TG: variants seen among roughly 807,000 people sequenced by gnomAD.
TG encodes the protein thyroglobulin.
A neutral mutation model predicts 324.7 loss-of-function variants in TG; 270 were observed. That is an observed-to-expected ratio of 0.83 (90% CI 0.75 to 0.92). The LOEUF is 0.92. Among genes scored for constraint, TG ranks in the 40% least tolerant of loss-of-function variants. The pLI is 0.00. For missense variants in TG, 3,591 were observed against 3,456.4 expected (o/e 1.04, Z -0.98); for synonymous variants, 1,401 against 1,327.0 (o/e 1.06, Z -1.21).
chr8:133,058,195 G>T (rs1231571487), intron 41 of TG, among the ~76,000 whole-genome samples: 1 of 152,178 alleles, frequency 6.6e-6, no homozygotes, highest in Non-Finnish European at 1.5e-5. Flanking sequence ...GTAGGTAGAA[G>T]AGAAAAGAGG....
At chr8:132,945,784 G>A (rs566868836) in intron 26 of TG, among the ~76,000 whole-genome samples, 15 of 152,100 alleles carry the variant, frequency 9.9e-5, no homozygotes, top group Non-Finnish European at 2.2e-4. Context: ...CGAAAGCTAG[G>A]GTGGGAGAGC....
intron 40 of TG, among the ~76,000 whole-genome samples, chr8:133,028,190 C>T (rs1836283852): frequency 6.6e-6 from 1 of 152,208 alleles, no homozygotes; most frequent in South Asian, 2.1e-4. Context: ...GTGGACGTCA[C>T]TTTTCAGATT....
intron 34 of TG, among the ~76,000 whole-genome samples, chr8:132,979,938 TG>T (rs2130647803): frequency 1.3e-5 from 2 of 152,144 alleles, no homozygotes; most frequent in South Asian, 2.1e-4. Flanking sequence ...CCATATAAAT[TG>T]GGGGTCTCCA....
chr8:132,993,429 A>G (rs28727293), intron 35 of TG, among the ~76,000 whole-genome samples: 87,473 of 152,102 alleles, frequency 0.58, 26,561 homozygotes, highest in African/African-American at 0.73. Context: ...CCTGTAAAAT[A>G]GAGATGATTA....
intron 35 of TG, chr8:132,988,937 C>T (rs1564046106): frequency 1.0e-6 from 1 of 972,440 alleles, no homozygotes; most frequent in Non-Finnish European, 1.2e-6. Flanking sequence ...TAAAGACATA[C>T]CCGAGACTGG....
intron 46 of TG, 152 bp downstream of exon 46, chr8:133,132,098 A>C (rs1375380724): frequency 1.6e-6 from 2 of 1,212,684 alleles, no homozygotes; most frequent in Non-Finnish European, 2.4e-6. Context: ...TGTCTCAGTC[A>C]CCCCCTCCTA....
chr8:132,877,711 T>C lies in TG; in HGVS notation c.639-4152T>C, dbSNP rs555085814. Among the ~76,000 whole-genome samples, 10 of 152,292 alleles carry C rather than the reference T, an allele frequency of 6.6e-5. No individual in the cohort carries two copies. In the East Asian group the frequency reaches 1.7e-3, roughly 26 times the overall value. ...ACTCAGAAATGCCACCCCTTGCCCC[T>C]CTGCTAGCATTTGCTTTCTTGAGGA... On this transcript the variant is annotated intron_variant, in intron 5 of 47. Transcript: ENST00000220616.
At chr8:133,092,941 C>T (rs997248672) in intron 41 of TG, among the ~76,000 whole-genome samples, 1 of 152,170 alleles carries the variant, frequency 6.6e-6, no homozygotes, top group African/African-American at 2.4e-5. Flanking sequence ...CGCCTTTAAC[C>T]ACTTCCTCAC....
chr8:133,003,116 C>A (rs1833696205), intron 35 of TG: 2 of 870,908 alleles, frequency 2.3e-6, no homozygotes, highest in South Asian at 4.7e-5. Flanking sequence ...AGCTGAAAGG[C>A]TTTTTGGCAA....
At chr8:132,943,078 C>G (rs1440671619) in intron 26 of TG, among the ~76,000 whole-genome samples, 1 of 152,150 alleles carries the variant, frequency 6.6e-6, no homozygotes, top group Non-Finnish European at 1.5e-5. Context: ...AAGGACTAAC[C>G]CTGCCTCCTG....
intron 44 of TG, among the ~76,000 whole-genome samples, chr8:133,114,265 C>A (rs893114240): frequency 6.6e-6 from 1 of 152,282 alleles, no homozygotes; most frequent in South Asian, 2.1e-4. Flanking sequence ...GCTTACATGC[C>A]TTGTCCCCAT....
chr8:133,071,645 G>C (rs1421502061), intron 41 of TG, among the ~76,000 whole-genome samples: 1 of 152,044 alleles, frequency 6.6e-6, no homozygotes, highest in Non-Finnish European at 1.5e-5. Context: ...GCGGGGAGAG[G>C]GGAGGAGTGG....
At chr8:132,982,983 C>T (rs1365764071) in intron 34 of TG, among the ~76,000 whole-genome samples, 1 of 152,178 alleles carries the variant, frequency 6.6e-6, no homozygotes, top group Non-Finnish European at 1.5e-5. Flanking sequence ...GCTCTAAGAG[C>T]AAGACTGAAA....
intron 10 of TG, 118 bp from the exon 11 acceptor site, chr8:132,893,559 ATGTGTGTGGTGTG>A (rs1257032952): frequency 8.8e-5 from 99 of 1,130,954 alleles, no homozygotes; most frequent in Admixed American, 2.1e-4. Flanking sequence ...GGTGGTGTGT[ATGTGTGTGGTGTG>A]TGTGTGTGGT....
At chr8:133,068,309 C>A (rs1843407220) in intron 41 of TG, among the ~76,000 whole-genome samples, 1 of 152,192 alleles carries the variant, frequency 6.6e-6, no homozygotes, top group African/African-American at 2.4e-5. Context: ...TATGCTGGCC[C>A]CCTCTACCCT....
At chr8:132,933,781 G>A (rs879230537) in intron 24 of TG, 105 bp downstream of exon 24, 43 of 1,001,394 alleles carry the variant, frequency 4.3e-5, no homozygotes, top group South Asian at 3.2e-4. Flanking sequence ...TGAGGTTGTC[G>A]AGAGCTGATC....
chr8:132,907,040 G>GA, intron 17 of TG, 140 bp downstream of exon 17: 1 of 900,924 alleles, frequency 1.1e-6, no homozygotes, highest in Non-Finnish European at 1.7e-6. Context: ...ACCAAGAGAT[G>GA]GGAGAGAGTC....
chr8:132,964,939 C>T (rs1207920628), intron 29 of TG: 1 of 702,170 alleles, frequency 1.4e-6, no homozygotes, highest in Non-Finnish European at 2.6e-6. Flanking sequence ...CCCAGGTATA[C>T]CTGAGAAAAG....
chr8:133,097,340 G>A (rs554178529), intron 43 of TG, among the ~76,000 whole-genome samples: 1 of 152,198 alleles, frequency 6.6e-6, no homozygotes, highest in African/African-American at 2.4e-5. Context: ...ATATATACAA[G>A]AGTATTTATT....
Sources: gnomAD v4.1 joint callset for allele counts (sites outside exome capture counted in the v4.1 genomes callset) on GRCh38, gnomAD v4.1.1 for gene constraint, MANE v1.5 for transcripts, NCBI Gene and HGNC (gene_info 2026-07-23, HGNC 2026-07-21) for gene names.